The following CSNK2A2 variants were observed in gnomAD, a reference collection of about 807,000 sequenced individuals.
CSNK2A2 encodes the protein casein kinase 2 alpha 2.
CSNK2A2 carries 8 observed loss-of-function variants against 54.0 expected under a neutral mutation model. That is an observed-to-expected ratio of 0.15 (90% CI 0.09 to 0.27). CSNK2A2 has a LOEUF of 0.27. Ranked by LOEUF, CSNK2A2 falls within the 10% of genes least tolerant of loss-of-function variation. CSNK2A2 has a pLI of 1.00. For missense variants in CSNK2A2, 242 were observed against 439.4 expected (o/e 0.55, Z 4.02); for synonymous variants, 141 against 153.9 (o/e 0.92, Z 0.62).
intron 4 of CSNK2A2, among the ~76,000 whole-genome samples, chr16:58,181,299 A>G (rs1962034326): frequency 6.6e-6 from 1 of 152,230 alleles, no homozygotes; most frequent in African/African-American, 2.4e-5. Flanking sequence ...GGGACCTCCA[A>G]TGTTGGTTTA....
In CSNK2A2 at chr16:58,198,102, G is replaced by T. The variant is rs1476459028; in HGVS notation, c.-366C>A. On this transcript the variant is annotated 5_prime_UTR_variant, in exon 1 of 12. Transcript: ENST00000262506. ...GGCGGCGGCAGCGGAGAAGAAGGAG[G>T]AGAGGAGGAGGAGGCGGAGGAAACC... Among the ~76,000 whole-genome samples the T allele has an allele frequency of 6.8e-6, 1 of 146,594 alleles. No individual in the cohort carries two copies. Among genetic ancestry groups the T allele is most frequent in the Non-Finnish European group, 1.5e-5 (1 of 65,832 alleles).
In CSNK2A2 at chr16:58,197,109, G is replaced by C; in HGVS notation, c.105-265C>G. On this transcript the variant is annotated intron_variant, in intron 1 of 11. Coordinates refer to ENST00000262506, the MANE Select transcript of CSNK2A2 (RefSeq NM_001896.4). The surrounding 1 kb of genome is among the most constrained non-coding windows in gnomAD (Gnocchi z 4.0). ...GAGCCAATCCAGAGGGGCGAGCAAA[G>C]CACCCGTCCTGAAGGCCTAGAGGGT... The C allele has an allele frequency of 4.5e-6, 2 of 442,350 alleles. No homozygotes were observed. Among genetic ancestry groups the C allele is most frequent in the South Asian group, 4.9e-5 (2 of 40,704 alleles). The allele number at this position is 442,350 out of a possible 1,614,324, so 27.4% of individuals were successfully genotyped here. A position where few individuals can be genotyped will look rare whatever the true frequency, so the allele number is the denominator to read the frequency against.
chr16:58,171,974 T>TAC (rs1961752462), intron 5 of CSNK2A2, among the ~76,000 whole-genome samples: 46 of 35,384 alleles, frequency 1.3e-3, no homozygotes, highest in Non-Finnish European at 2.2e-3. Context: ...TATATATATA[T>TAC]ATATATTTTT....
At position 58,169,899 on chromosome 16, in the gene CSNK2A2, A is replaced by T. The variant is rs570557727; in HGVS notation, c.430-1206T>A. 3.3e-5 allele frequency among the ~76,000 whole-genome samples: 5 copies of T among 152,204 alleles called. No homozygotes were observed. In the East Asian group the frequency reaches 9.7e-4, roughly 30 times the overall value. On this transcript the variant is annotated intron_variant, in intron 5 of 11. Transcript: ENST00000262506. ...ACCTCTACTAAAAATACAAAAAATT[A>T]GCCAGGCAAGGTGGTGGGCACCTCT...
chr16:58,174,897 T>TAG (rs1033029573), intron 4 of CSNK2A2, among the ~76,000 whole-genome samples: 4 of 152,178 alleles, frequency 2.6e-5, no homozygotes, highest in Non-Finnish European at 5.9e-5. Context: ...CAGTATACTC[T>TAG]AGAGAAGTGA....
chr16:58,190,227 A>T (rs192202908), intron 2 of CSNK2A2, among the ~76,000 whole-genome samples: 8 of 152,170 alleles, frequency 5.3e-5, no homozygotes, highest in Non-Finnish European at 7.4e-5. Flanking sequence ...CAATAAAAAA[A>T]TTTTTTTTTA....
chr16:58,174,620 C>T (rs1184714668), intron 4 of CSNK2A2, 110 bp from the exon 5 acceptor site: 1 of 694,080 alleles, frequency 1.4e-6, no homozygotes, highest in African/African-American at 1.9e-5. Context: ...CTAAGGAATC[C>T]CATGACTTTT....
At position 58,197,030 on chromosome 16, in the gene CSNK2A2, T is replaced by G; in HGVS notation, c.105-186A>C. On this transcript the variant is annotated intron_variant, in intron 1 of 11. Transcript: ENST00000262506. The surrounding 1 kb of genome is among the most constrained non-coding windows in gnomAD (Gnocchi z 4.0). ...GGCTCCCTTCACTCTGCAGAGCTCC[T>G]AACCTAATTGGTCTCTCCTAACTTG... 5 of 571,346 alleles carry G rather than the reference T, an allele frequency of 8.8e-6. No homozygotes were observed. Among genetic ancestry groups the G allele is most frequent in the East Asian group, 3.2e-5 (1 of 31,574 alleles). 35.4% of individuals were successfully genotyped at this position (571,346 alleles called of 1,614,324 possible). A position where few individuals can be genotyped will look rare whatever the true frequency, so the allele number is the denominator to read the frequency against.
chr16:58,188,956 T>C (rs1427016904), intron 2 of CSNK2A2, among the ~76,000 whole-genome samples: 2 of 5,232 alleles, frequency 3.8e-4, no homozygotes, highest in East Asian at 0.016. Flanking sequence ...AAAAACTGGC[T>C]TTTTTTTTTT....
chr16:58,171,389 GGTGC>G (rs1261779963), intron 5 of CSNK2A2, among the ~76,000 whole-genome samples: 3 of 151,976 alleles, frequency 2.0e-5, no homozygotes, highest in African/African-American at 7.2e-5. Context: ...CAGGTGTGGT[GGTGC>G]GTGCCTGTAA....
chr16:58,158,661 G>A (rs1961224528), intron 11 of CSNK2A2, among the ~76,000 whole-genome samples: 1 of 152,214 alleles, frequency 6.6e-6, no homozygotes, highest in Non-Finnish European at 1.5e-5. Context: ...GGGTGCTGAT[G>A]GAGAAGCCTC....
chr16:58,163,871 T>C (rs1042780926), intron 11 of CSNK2A2, 183 bp downstream of exon 11: 6 of 493,996 alleles, frequency 1.2e-5, no homozygotes, highest in African/African-American at 3.9e-5. Flanking sequence ...GCTGCCACAG[T>C]GACAGCTCCC....
chr16:58,187,895 C>T (rs566150498), intron 2 of CSNK2A2, among the ~76,000 whole-genome samples: 3 of 152,236 alleles, frequency 2.0e-5, no homozygotes, highest in African/African-American at 7.2e-5. Flanking sequence ...CTTTTGTTTC[C>T]CAAGTGTGGC....
intron 2 of CSNK2A2, among the ~76,000 whole-genome samples, chr16:58,195,519 A>C (rs934905978): frequency 6.6e-6 from 1 of 152,216 alleles, no homozygotes; most frequent in Non-Finnish European, 1.5e-5. Context: ...GAACCTCTGC[A>C]AAAGGGCCAC....
At chr16:58,161,323 A>G (rs963302179) in intron 11 of CSNK2A2, 1 of 152,234 alleles carries the variant, frequency 6.6e-6, no homozygotes. Flanking sequence ...CTGAGATGAT[A>G]GTATAACACT....
At chr16:58,172,201 T>A (rs1052397837) in intron 5 of CSNK2A2, among the ~76,000 whole-genome samples, 2 of 150,552 alleles carry the variant, frequency 1.3e-5, no homozygotes, top group African/African-American at 2.4e-5. Context: ...GATATCATCG[T>A]CCTGTGTAAA....
At chr16:58,189,074 A>G (rs1962263849) in intron 2 of CSNK2A2, among the ~76,000 whole-genome samples, 1 of 149,638 alleles carries the variant, frequency 6.7e-6, no homozygotes, top group Non-Finnish European at 1.5e-5. Context: ...CTCCTGCCTC[A>G]GCCTCCCAAG....
At chr16:58,191,573 G>A (rs1257326905) in intron 2 of CSNK2A2, among the ~76,000 whole-genome samples, 1 of 152,116 alleles carries the variant, frequency 6.6e-6, no homozygotes, top group African/African-American at 2.4e-5. Context: ...AGGTTGGCCA[G>A]GCTGGTCTCG....
rs192936536 is a variant in CSNK2A2 at position 58,176,980 on chromosome 16, A to G, written c.370-2470T>C. Among the ~76,000 whole-genome samples the G allele has an allele frequency of 1.6e-3, 241 of 152,294 alleles. 1 individual carries two copies. The highest frequency in any genetic ancestry group is 5.7e-3 in the African/African-American group (235 of 41,560). On this transcript the variant is annotated intron_variant, in intron 4 of 11. Transcript: ENST00000262506. ...AGAAATGGGTACAGTGGCTGGTGGC[A>G]GAGTCATCAAATTTGGTGATAAAAG...
Sources: gnomAD v4.1 joint callset for allele counts (sites outside exome capture counted in the v4.1 genomes callset) on GRCh38, gnomAD v4.1.1 for gene constraint, Gnocchi (gnomAD v3.1) non-coding constraint, MANE v1.5 for transcripts, NCBI Gene and HGNC (gene_info 2026-07-23, HGNC 2026-07-21) for gene names.